Variants in CDK5RAP1 observed in about 807,000 individuals in gnomAD.
CDK5RAP1 encodes CDK5RAP1 mitochondrial tRNA methylthiotransferase, also known as mitochondrial tRNA methylthiotransferase CDK5RAP1.
In CDK5RAP1, 62 loss-of-function variants were observed where a neutral mutation model predicts 64.5. The observed-to-expected ratio is 0.96, with a 90% CI of 0.78 to 1.19. CDK5RAP1 has a LOEUF of 1.19. CDK5RAP1 is among the 50% of genes most tolerant of loss of function. The pLI is 0.00. For missense variants in CDK5RAP1, 657 were observed against 735.0 expected, an observed-to-expected ratio of 0.89 and a Z score of 1.23; for synonymous variants, 250 against 261.9, an observed-to-expected ratio of 0.95 and a Z score of 0.44.
rs8124653 is a variant in CDK5RAP1, at chr20:33,400,800, G to A, written c.-21+628C>T. On this transcript the variant is annotated intron_variant, in intron 1 of 13. Transcript: ENST00000346416. ...ACTGCACTCCAGCCTGGGCGACAGA[G>A]CAAGACTCCCGTCTCAAGAAAAAAA... Among the ~76,000 whole-genome samples, 903 of 151,744 alleles carry A rather than the reference G, an allele frequency of 6.0e-3. 14 individuals carry two copies. The highest frequency in any genetic ancestry group is 0.021 in the African/African-American group (876 of 41,134).
chr20:33,360,516 C>G, intron 12 of CDK5RAP1, 25 bp from the exon 13 acceptor site: 1 of 1,593,842 alleles, frequency 6.3e-7, no homozygotes, highest in Non-Finnish European at 8.5e-7. Flanking sequence ...GAGAAGAGTT[C>G]GTGGATTTGT....
At chr20:33,400,148 G>A (rs996343066) in intron 1 of CDK5RAP1, among the ~76,000 whole-genome samples, 6 of 152,238 alleles carry the variant, frequency 3.9e-5, no homozygotes, top group African/African-American at 9.6e-5. Context: ...CCAATCTGAC[G>A]GGAGGCAGAG....
At chr20:33,364,581 T>C (rs543607344) in intron 12 of CDK5RAP1, among the ~76,000 whole-genome samples, 2 of 152,248 alleles carry the variant, frequency 1.3e-5, no homozygotes, top group African/African-American at 4.8e-5. Flanking sequence ...TTTTTGGCTT[T>C]TTTTTTGTTT....
chr20:33,366,090 G>A (rs1466527632), intron 12 of CDK5RAP1, among the ~76,000 whole-genome samples: 2 of 152,160 alleles, frequency 1.3e-5, no homozygotes, highest in Non-Finnish European at 2.9e-5. Context: ...AGGCCAAGGT[G>A]GGTGGAACAC....
chr20:33,382,483 C>A (rs1986879955), intron 7 of CDK5RAP1, among the ~76,000 whole-genome samples: 1 of 151,864 alleles, frequency 6.6e-6, no homozygotes, highest in South Asian at 2.1e-4. Flanking sequence ...GAGTTCGAGA[C>A]CAGCCTGCCC....
Position 33,385,664 on chromosome 20 carries a change from T to C in CDK5RAP1, c.862A>G (p.Lys288Glu). 1 of 1,614,140 alleles carries C rather than the reference T, an allele frequency of 6.2e-7. No homozygotes were observed. The highest frequency in any genetic ancestry group is 8.5e-7 in the Non-Finnish European group (1 of 1,180,002). ...PIASILEEVK[K>E]LSEQGLKEVT... ...GAACTCTTCACCTGCTCAGAAAGCT[T>C]CTTCACTTCCTCTAGAATGGAGGCA... Residue 288 changes from lysine (K) to glutamate (E), a missense_variant, in exon 7 of 14, where the codon AAG becomes GAG. Coordinates refer to ENST00000346416, the MANE Select transcript of CDK5RAP1 (RefSeq NM_016408.4).
At chr20:33,370,651 G>A (rs769735883) in intron 10 of CDK5RAP1, 22 bp from the exon 11 acceptor site, 1 of 1,613,828 alleles carries the variant, frequency 6.2e-7, no homozygotes, top group Non-Finnish European at 8.5e-7. Flanking sequence ...AGCAAAGGAT[G>A]ACAGGTGACT....
rs769129396 is a variant in CDK5RAP1 at position 33,385,670 on chromosome 20, C to A, written c.856G>T (p.Val286Leu). 1 of 1,614,202 alleles carries A rather than the reference C, an allele frequency of 6.2e-7. No homozygotes were observed. The highest frequency in any genetic ancestry group is 1.1e-5 in the South Asian group (1 of 91,088). Reference sequence around the variant, plus strand: ...TTCACCTGCTCAGAAAGCTTCTTCACTTCCTCTAGAATGGAGGCAATAGGC... The same window carrying A: ...TTCACCTGCTCAGAAAGCTTCTTCAATTCCTCTAGAATGGAGGCAATAGGC... ...SRPIASILEE[V>L]KKLSEQGLKE... Residue 286 changes from valine to leucine, a missense_variant, in exon 7 of 14, where the codon GTG becomes TTG. By Grantham distance (32) the Val-to-Leu change is conservative. Coordinates refer to ENST00000346416, the MANE Select transcript of CDK5RAP1 (RefSeq NM_016408.4).
chr20:33,373,104 ATG>A (rs531584577), intron 9 of CDK5RAP1: 9 of 181,592 alleles, frequency 5.0e-5, no homozygotes, highest in Non-Finnish European at 8.8e-5. Context: ...GTGTGTCTGT[ATG>A]TGTGTGTGTA....
intron 11 of CDK5RAP1, among the ~76,000 whole-genome samples, chr20:33,368,927 T>A (rs1427712114): frequency 1.3e-5 from 2 of 150,242 alleles, no homozygotes; most frequent in Non-Finnish European, 3.0e-5. Flanking sequence ...GATCACAAGG[T>A]CGAGAGATCA....
intron 12 of CDK5RAP1, among the ~76,000 whole-genome samples, chr20:33,363,742 T>C (rs1983361433): frequency 6.6e-6 from 1 of 151,736 alleles, no homozygotes; most frequent in African/African-American, 2.4e-5. Context: ...TACAAAAAAT[T>C]TGAAACATTA....
At chr20:33,363,786 T>C (rs1397791970) in intron 12 of CDK5RAP1, among the ~76,000 whole-genome samples, 1 of 152,080 alleles carries the variant, frequency 6.6e-6, no homozygotes, top group Non-Finnish European at 1.5e-5. Flanking sequence ...TAGTACCAGC[T>C]ACTCCGGAGG....
At chr20:33,372,915 T>TC (rs1247862697) in intron 9 of CDK5RAP1, 3 of 47,444 alleles carry the variant, frequency 6.3e-5, no homozygotes, top group Non-Finnish European at 1.1e-4. Flanking sequence ...GACATAAACT[T>TC]TTTTTTTTTT....
chr20:33,394,602 C>G (rs563925037), intron 3 of CDK5RAP1, among the ~76,000 whole-genome samples: 1 of 151,982 alleles, frequency 6.6e-6, no homozygotes, highest in African/African-American at 2.4e-5. Context: ...CTGCCTTGGC[C>G]TCCCAAAGTC....
chr20:33,383,057 T>A (rs1442223103), intron 7 of CDK5RAP1, among the ~76,000 whole-genome samples: 1 of 151,822 alleles, frequency 6.6e-6, no homozygotes, highest in Non-Finnish European at 1.5e-5. Context: ...GGTGCACACC[T>A]GTAATTCCAG....
intron 10 of CDK5RAP1, among the ~76,000 whole-genome samples, chr20:33,372,362 C>A (rs1429440310): frequency 6.6e-6 from 1 of 151,058 alleles, no homozygotes; most frequent in South Asian, 2.1e-4. Flanking sequence ...AAGATAAGGT[C>A]TTTCCTCTAT....
Position 33,387,917 on chromosome 20 carries a change from G to C in CDK5RAP1, c.545-384C>G, listed in dbSNP as rs536402962. 3.3e-5 allele frequency among the ~76,000 whole-genome samples: 5 copies of C among 151,824 alleles called. No individual in the cohort carries two copies. In the East Asian group the frequency reaches 9.7e-4, roughly 29 times the overall value. On this transcript the variant is annotated intron_variant, in intron 5 of 13. Transcript: ENST00000346416. ...CCCTGTCTCTACTAAAAATACAAAA[G>C]TACCCAGGCATGGTGGCACATGCCT...
rs1236298936 is a variant in CDK5RAP1 at position 33,389,462 on chromosome 20, G to A, written c.545-1929C>T. Among the ~76,000 whole-genome samples, 283 of 151,904 alleles carry A rather than the reference G, an allele frequency of 1.9e-3. 3 individuals are homozygous for A. Among genetic ancestry groups the A allele is most frequent in the South Asian group, 6.2e-4 (3 of 4,824 alleles). On this transcript the variant is annotated intron_variant, in intron 5 of 13. Coordinates refer to ENST00000346416, the MANE Select transcript of CDK5RAP1 (RefSeq NM_016408.4). ...CGACTGGGAAGTGAGGAGCGTCTCC[G>A]CCCAGCAGCCGCCCCGTCCGGGAGG... is the stretch of plus-strand genomic sequence containing the variant.
At chr20:33,398,567 C>A (rs996384026) in intron 1 of CDK5RAP1, among the ~76,000 whole-genome samples, 1 of 152,008 alleles carries the variant, frequency 6.6e-6, no homozygotes, top group Non-Finnish European at 1.5e-5. Flanking sequence ...TAAATGTTAT[C>A]AATAAAGGAC....
Sources: gnomAD v4.1 joint callset for allele counts (sites outside exome capture counted in the v4.1 genomes callset) on GRCh38, gnomAD v4.1.1 for gene constraint, MANE v1.5 for transcripts, NCBI Gene and HGNC (gene_info 2026-07-23, HGNC 2026-07-21) for gene names.